ROBO1: variants seen among roughly 807,000 people sequenced by gnomAD.
The protein encoded by ROBO1 is roundabout guidance receptor 1.
ROBO1 carries 149 observed loss-of-function variants against 195.9 expected under a neutral mutation model. The observed-to-expected ratio is 0.76, with a 90% CI of 0.67 to 0.87. The LOEUF is 0.87. ROBO1 is among the 40% of genes least tolerant of loss of function. The probability of loss-of-function intolerance (pLI) is 0.00; values close to 1 mark genes in which losing one functional copy is unlikely to be tolerated. For missense variants in ROBO1, 1,933 were observed against 2,068.3 expected, an observed-to-expected ratio of 0.93 and a Z score of 1.27; for synonymous variants, 816 against 733.2, an observed-to-expected ratio of 1.11 and a Z score of -1.82.
At chr3:78,691,137 T>G (rs1232237444) in intron 8 of ROBO1, among the ~76,000 whole-genome samples, 4 of 152,064 alleles carry the variant, frequency 2.6e-5, no homozygotes, top group African/African-American at 9.7e-5. Context: ...AGTAGATATA[T>G]CTCTAAGAAA....
At chr3:79,171,264 C>T (rs6804495) in intron 2 of ROBO1, among the ~76,000 whole-genome samples, 13,333 of 150,736 alleles carry the variant, frequency 0.088, 1,012 homozygotes, top group African/African-American at 0.2. Context: ...TCGTTAGTAT[C>T]ATCTATGTCC....
At chr3:78,829,159 A>T (rs1436196515) in intron 4 of ROBO1, among the ~76,000 whole-genome samples, 3 of 152,300 alleles carry the variant, frequency 2.0e-5, no homozygotes, top group Admixed American at 2.0e-4. Context: ...AGTATGTAGG[A>T]TAATAAATTT....
At chr3:78,627,842 C>T (rs1003868567) in intron 25 of ROBO1, among the ~76,000 whole-genome samples, 2 of 152,106 alleles carry the variant, frequency 1.3e-5, no homozygotes, top group African/African-American at 4.8e-5. Context: ...TAATTTAGTA[C>T]AGCCCAAATG....
At chr3:78,872,394 T>C (rs1395515696) in intron 4 of ROBO1, among the ~76,000 whole-genome samples, 1 of 152,246 alleles carries the variant, frequency 6.6e-6, no homozygotes, top group Non-Finnish European at 1.5e-5. Flanking sequence ...TTGATAATCT[T>C]GTCTGGACTT....
At chr3:78,787,842 G>A (rs1320529311) in intron 4 of ROBO1, among the ~76,000 whole-genome samples, 1 of 150,820 alleles carries the variant, frequency 6.6e-6, no homozygotes, top group Non-Finnish European at 1.5e-5. Flanking sequence ...CTACACAAGT[G>A]AGAGGATCAC....
intron 3 of ROBO1, among the ~76,000 whole-genome samples, chr3:79,047,128 T>C (rs1371907552): frequency 6.6e-6 from 1 of 152,052 alleles, no homozygotes; most frequent in Non-Finnish European, 1.5e-5. Context: ...AGGCTGCTGC[T>C]GGTGAAGGCT....
intron 4 of ROBO1, among the ~76,000 whole-genome samples, chr3:78,809,480 C>T (rs2084657970): frequency 1.3e-5 from 2 of 152,070 alleles, no homozygotes; most frequent in South Asian, 4.1e-4. Context: ...CCCAGCAATC[C>T]CATTACTGGG....
At chr3:79,292,616 T>C (rs2032321496) in intron 2 of ROBO1, among the ~76,000 whole-genome samples, 1 of 152,202 alleles carries the variant, frequency 6.6e-6, no homozygotes, top group South Asian at 2.1e-4. Context: ...AGGCCTTTTC[T>C]TTATCTATTG....
intron 8 of ROBO1, among the ~76,000 whole-genome samples, chr3:78,697,505 C>A (rs866342123): frequency 1.3e-5 from 2 of 152,090 alleles, no homozygotes; most frequent in Non-Finnish European, 2.9e-5. Flanking sequence ...ACCAATGCCA[C>A]AAGAAAAGAT....
intron 1 of ROBO1, among the ~76,000 whole-genome samples, chr3:79,640,932 G>T (rs1423342470): frequency 6.6e-6 from 1 of 152,034 alleles, no homozygotes; most frequent in African/African-American, 2.4e-5. Flanking sequence ...TGTAAAATTG[G>T]ATTGCTCTTC....
intron 1 of ROBO1, among the ~76,000 whole-genome samples, chr3:79,623,281 GTCTCT>G (rs1339249862): frequency 6.6e-6 from 1 of 152,108 alleles, no homozygotes; most frequent in African/African-American, 2.4e-5. Context: ...AGGCCAGAAT[GTCTCT>G]TCTCCTCCAA....
chr3:79,225,182 T>TA lies in ROBO1; in HGVS notation c.89-99644dup, dbSNP rs939980774. Among the ~76,000 whole-genome samples, 37 of 151,106 alleles carry TA rather than the reference T, an allele frequency of 2.4e-4. No homozygotes were observed. The Middle Eastern group carries it at 0.01, about 42-fold the overall frequency. On this transcript the variant is annotated intron_variant, in intron 2 of 30. Transcript: ENST00000464233. ...TAATTCTTTGGGGGGGAAATAATAA[T>TA]AAAAAAAAATCCCCAGCCATAGACT...
chr3:79,307,514 T>C (rs1465285541), intron 2 of ROBO1, among the ~76,000 whole-genome samples: 2 of 152,152 alleles, frequency 1.3e-5, no homozygotes, highest in Non-Finnish European at 2.9e-5. Flanking sequence ...ATGGTTTAAC[T>C]CCTTAATACT....
At chr3:78,947,307 A>T (rs1038509376) in intron 3 of ROBO1, among the ~76,000 whole-genome samples, 11 of 152,308 alleles carry the variant, frequency 7.2e-5, no homozygotes, top group Admixed American at 4.6e-4. Context: ...AAAGAACAGA[A>T]ATTATAACAA....
chr3:79,387,122 AG>A (rs1441995053), intron 2 of ROBO1, among the ~76,000 whole-genome samples: 1 of 152,138 alleles, frequency 6.6e-6, no homozygotes, highest in East Asian at 1.9e-4. Flanking sequence ...AGAGGCATCC[AG>A]GGAAGAGAAC....
At chr3:79,276,576 T>C (rs2031053447) in intron 2 of ROBO1, among the ~76,000 whole-genome samples, 2 of 151,880 alleles carry the variant, frequency 1.3e-5, no homozygotes, top group Admixed American at 6.6e-5. Flanking sequence ...AACTTCTTAG[T>C]AATACCCCAC....
At chr3:79,545,831 G>A (rs1039590809) in intron 2 of ROBO1, among the ~76,000 whole-genome samples, 3 of 152,120 alleles carry the variant, frequency 2.0e-5, no homozygotes, top group Non-Finnish European at 4.4e-5. Context: ...TCTAAATAAT[G>A]TTTGCATGGG....
chr3:78,662,045 T>A lies in ROBO1; in HGVS notation c.2036A>T (p.His679Leu). ...AGAAAGGACGGTGGGGTTGTGGAGGTGCAGAACAGCATTTCCCAGCTCTCT... is the reference window on the plus strand; with the variant it reads ...AGAAAGGACGGTGGGGTTGTGGAGGAGCAGAACAGCATTTCCCAGCTCTCT... ...VQRELGNAVL[H>L]LHNPTVLSSS... The change falls in exon 15 of 31, where the codon CAC becomes CTC. Residue 679 changes from histidine to leucine, a missense_variant. Physicochemically the swap from His to Leu is moderately conservative, Grantham distance 99. Around this residue, in one of 3 missense-constraint regions of ROBO1, gnomAD observed 1,737 missense variants for 1,882.5 expected, o/e 0.92. Coordinates refer to ENST00000464233, the MANE Select transcript of ROBO1 (RefSeq NM_002941.4). 1 of 1,600,066 alleles carries A rather than the reference T, an allele frequency of 6.2e-7. No homozygotes were observed.
At chr3:78,609,534 C>A (rs138077031) in intron 28 of ROBO1, among the ~76,000 whole-genome samples, 101 of 152,130 alleles carry the variant, frequency 6.6e-4, no homozygotes, top group Non-Finnish European at 2.2e-4. Flanking sequence ...GAATGGATTG[C>A]GCTTTTTTCA....
Sources: gnomAD v4.1 joint callset for allele counts (sites outside exome capture counted in the v4.1 genomes callset) on GRCh38, gnomAD v4.1.1 for gene constraint, gnomAD v4.1.1 regional missense constraint, MANE v1.5 for transcripts, NCBI Gene and HGNC (gene_info 2026-07-23, HGNC 2026-07-21) for gene names.